IQSEC3: variants seen among roughly 807,000 people sequenced by gnomAD.
IQSEC3 encodes the protein IQ motif and SEC7 domain-containing protein 3.
IQSEC3 carries 50 observed loss-of-function variants against 105.4 expected under a neutral mutation model. That is an observed-to-expected ratio of 0.47 (90% CI 0.38 to 0.60). IQSEC3 has a LOEUF of 0.60. Ranked by LOEUF, IQSEC3 falls within the 20% of genes least tolerant of loss-of-function variation. The pLI, the probability that IQSEC3 is intolerant of heterozygous loss-of-function variation, is 0.00. For synonymous variants in IQSEC3, 708 were observed against 746.0 expected (o/e 0.95, Z 0.83); for missense variants, 1,415 against 1,630.0 (o/e 0.87, Z 2.27).
chr12:83,614 G>A (rs552728567), intron 1 of IQSEC3, among the ~76,000 whole-genome samples: 9 of 151,626 alleles, frequency 5.9e-5, no homozygotes, highest in Non-Finnish European at 8.8e-5. Flanking sequence ...GGGAGCAAGA[G>A]AGGGAGGAAA....
At position 152,910 on chromosome 12, in the gene IQSEC3, A is replaced by G. The variant is rs1386361804; in HGVS notation, c.2154-4115A>G. Among the ~76,000 whole-genome samples, 1 of 152,174 alleles carries G rather than the reference A, an allele frequency of 6.6e-6. No individual in the cohort carries two copies. The highest frequency in any genetic ancestry group is 1.5e-5 in the Non-Finnish European group (1 of 68,036). On this transcript the variant is annotated intron_variant, in intron 5 of 13. Transcript: ENST00000538872. This position sits in a 1 kb window ranked among gnomAD's most constrained non-coding sequence, Gnocchi z 4.8. ...GGTGCTCTTTACCTTAAAGATGACC[A>G]ATGAGGAGAGATGACTCCAGGCCAC... is the stretch of plus-strand genomic sequence containing the variant.
In IQSEC3 at chr12:176,215, C is replaced by G. The variant is rs947499748; in HGVS notation, c.*1182C>G. ...CTCAAAATTGCAAAGGAGACCCAAG[C>G]GGGGCTCGCTGACCTCCCAGGGCCC... On this transcript the variant is annotated 3_prime_UTR_variant, in exon 14 of 14. Transcript: ENST00000538872. This position sits in a 1 kb window ranked among gnomAD's most constrained non-coding sequence, Gnocchi z 4.0. The G allele has an allele frequency of 6.6e-6, 1 of 152,138 alleles. No individual in the cohort carries two copies. Among genetic ancestry groups the G allele is most frequent in the Non-Finnish European group, 1.5e-5 (1 of 68,034 alleles). The allele number at this position is 152,138 out of a possible 1,614,324, so 9.4% of individuals were successfully genotyped here. A position where few individuals can be genotyped will look rare whatever the true frequency, so the allele number is the denominator to read the frequency against.
At chr12:171,072 AG>A (rs1555100079) in intron 12 of IQSEC3, 39 bp from the exon 13 acceptor site, 1 of 1,612,146 alleles carries the variant, frequency 6.2e-7, no homozygotes, top group South Asian at 1.1e-5. Flanking sequence ...GGCTTGGCTC[AG>A]CCGGTGGAGA....
chr12:82,022 G>A (rs542268176), intron 1 of IQSEC3, among the ~76,000 whole-genome samples: 3 of 152,224 alleles, frequency 2.0e-5, no homozygotes, highest in African/African-American at 7.2e-5. Flanking sequence ...TTGATTAGTG[G>A]GTTTGAGAGA....
chr12:104,558 T>TAA (rs1555077354), intron 2 of IQSEC3, among the ~76,000 whole-genome samples: 2 of 136,032 alleles, frequency 1.5e-5, no homozygotes, highest in East Asian at 9.2e-4. Context: ...CACGCCCATT[T>TAA]TAAAAAAAAA....
chr12:128,801 T>A (rs782700624), intron 3 of IQSEC3, among the ~76,000 whole-genome samples: 19 of 152,050 alleles, frequency 1.2e-4, no homozygotes, highest in Admixed American at 9.2e-4. Context: ...CAACCTCACC[T>A]CCACATTGCA....
Position 157,099 on chromosome 12 carries a change from G to A in IQSEC3, c.2228G>A (p.Arg743His), listed in dbSNP as rs145520553. 2.6e-4 allele frequency: 412 copies of A among 1,602,846 alleles called. 4 individuals carry two copies. The East Asian group carries it at 4.7e-3, about 18-fold the overall frequency. ...EALRKFQAHI[R>H]VQGEAQKVER... ...CTGCGCAAGTTCCAGGCACACATCC[G>A]TGTGCAGGGGGAGGCTCAGAAGGTG... Residue 743 changes from arginine to histidine, a missense_variant, in exon 6 of 14, where the codon CGT becomes CAT. Transcript: ENST00000538872.
chr12:132,881 G>A (rs187567716), intron 3 of IQSEC3, among the ~76,000 whole-genome samples: 1 of 152,330 alleles, frequency 6.6e-6, no homozygotes, highest in East Asian at 1.9e-4. Context: ...TACCACTTAT[G>A]AAGCTCCTGC....
In IQSEC3 at chr12:178,122, TGCCC is replaced by T. The variant is rs1470686257; in HGVS notation, c.*3091_*3094del. 1 of 146,200 alleles carries T rather than the reference TGCCC, an allele frequency of 6.8e-6. No homozygotes were observed. The highest frequency in any genetic ancestry group is 6.7e-5 in the Admixed American group (1 of 14,888). 9.1% of individuals were successfully genotyped at this position (146,200 alleles called of 1,614,324 possible). On this transcript the variant is annotated 3_prime_UTR_variant, in exon 14 of 14. Transcript: ENST00000538872. ...TGTCCTGGAAGCCTGCCTGCCTGCCTGCCCGTCTGCACAGGTGTCTTGATCCAGC... is the reference window on the plus strand; with the variant it reads ...TGTCCTGGAAGCCTGCCTGCCTGCCTGTCTGCACAGGTGTCTTGATCCAGC...
intron 2 of IQSEC3, among the ~76,000 whole-genome samples, chr12:123,026 G>T (rs1278977954): frequency 6.6e-6 from 1 of 152,206 alleles, no homozygotes; most frequent in South Asian, 2.1e-4. Context: ...TGCTCCAGGG[G>T]AAGAGATGTC....
intron 3 of IQSEC3, among the ~76,000 whole-genome samples, chr12:135,753 G>A (rs782731927): frequency 6.6e-6 from 1 of 152,200 alleles, no homozygotes; most frequent in Non-Finnish European, 1.5e-5. Flanking sequence ...CACATGGTAG[G>A]GGACAGCAGG....
chr12:117,250 T>C (rs1193306106), intron 2 of IQSEC3, among the ~76,000 whole-genome samples: 1 of 152,212 alleles, frequency 6.6e-6, no homozygotes, highest in Non-Finnish European at 1.5e-5. Context: ...GTGAGCTGTG[T>C]CTGCCTGGGC....
intron 2 of IQSEC3, among the ~76,000 whole-genome samples, chr12:107,260 G>A (rs1022941482): frequency 6.6e-6 from 1 of 152,186 alleles, no homozygotes; most frequent in Non-Finnish European, 1.5e-5. Context: ...GCAGCTGGGA[G>A]GGGAAGGCCT....
At chr12:99,540 C>A (rs1237784246) in intron 2 of IQSEC3, among the ~76,000 whole-genome samples, 7 of 152,342 alleles carry the variant, frequency 4.6e-5, no homozygotes, top group Non-Finnish European at 1.0e-4. Context: ...GTCTCTCACA[C>A]GGTAGGGTGC....
chr12:170,325 T>A (rs782035355), intron 12 of IQSEC3, among the ~76,000 whole-genome samples: 16 of 152,088 alleles, frequency 1.1e-4, no homozygotes, highest in Non-Finnish European at 1.9e-4. Context: ...GCCTCTCTTT[T>A]GGAAGCTGCC....
chr12:83,508 C>A (rs1555071251), intron 1 of IQSEC3, among the ~76,000 whole-genome samples: 1 of 151,306 alleles, frequency 6.6e-6, no homozygotes, highest in South Asian at 2.1e-4. Context: ...AAACAGAGCA[C>A]GTGAAGACCT....
chr12:69,838 C>A (rs1272351273), intron 1 of IQSEC3, among the ~76,000 whole-genome samples: 1 of 152,264 alleles, frequency 6.6e-6, no homozygotes, highest in African/African-American at 2.4e-5. Context: ...CTGCCCGTGG[C>A]CCGTTTTGTA....
chr12:173,700 C>T (rs374717222), intron 13 of IQSEC3, among the ~76,000 whole-genome samples: 10 of 152,260 alleles, frequency 6.6e-5, no homozygotes, highest in Non-Finnish European at 8.8e-5. Flanking sequence ...GTCATAGCCA[C>T]GGGCAGGGGA....
At position 139,362 on chromosome 12, in the gene IQSEC3, A is replaced by G; in HGVS notation, c.1991+8A>G. On this transcript the variant is annotated splice_region_variant and intron_variant, in intron 4 of 13. Transcript: ENST00000538872. ...CCTCAACCTCTTCAACATGTAAGTC[A>G]GCCCCGGCCCCCAGCCCGGAGTCCT... 6.5e-7 allele frequency: 1 copy of G among 1,532,398 alleles called. No homozygotes were observed. Among genetic ancestry groups the G allele is most frequent in the East Asian group, 2.5e-5 (1 of 40,314 alleles). The allele number at this position is 1,532,398 out of a possible 1,614,324, so 94.9% of individuals were successfully genotyped here.
Sources: gnomAD v4.1 joint callset for allele counts (sites outside exome capture counted in the v4.1 genomes callset) on GRCh38, gnomAD v4.1.1 for gene constraint, Gnocchi (gnomAD v3.1) non-coding constraint, MANE v1.5 for transcripts, NCBI Gene and HGNC (gene_info 2026-07-23, HGNC 2026-07-21) for gene names.